Variants in ANO6 observed in about 807,000 individuals in gnomAD.
ANO6 encodes the protein anoctamin-6.
A neutral mutation model predicts 117.5 loss-of-function variants in ANO6; 106 were observed. That is an observed-to-expected ratio of 0.90 (90% CI 0.77 to 1.06). ANO6 has a LOEUF of 1.06. Ranked by LOEUF, ANO6 falls within the 50% of genes least tolerant of loss-of-function variation. The probability of loss-of-function intolerance (pLI) is 0.00; values close to 1 mark genes in which losing one functional copy is unlikely to be tolerated. For synonymous variants in ANO6, 367 were observed against 385.1 expected, an observed-to-expected ratio of 0.95 and a Z score of 0.55; for missense variants, 955 against 1,121.1, an observed-to-expected ratio of 0.85 and a Z score of 2.12.
chr12:45,429,356 A>AAAAT lies in ANO6; in HGVS notation c.*47_*50dup, dbSNP rs1190390307. 1 of 1,595,306 alleles carries AAAAT rather than the reference A, an allele frequency of 6.3e-7. No homozygotes were observed. Among genetic ancestry groups the AAAAT allele is most frequent in the East Asian group, 2.3e-5 (1 of 43,584 alleles). ...GCACTTTAAGGAATTTAGCTTTGTC[A>AAAAT]AAATATATTAGGAATCACTAATGAG... is the stretch of plus-strand genomic sequence containing the variant. On this transcript the variant is annotated 3_prime_UTR_variant, in exon 20 of 20. Coordinates refer to ENST00000320560, the MANE Select transcript of ANO6 (RefSeq NM_001025356.3).
downstream of ANO6, among the ~76,000 whole-genome samples, chr12:45,432,729 A>G (rs1027384998): frequency 4.6e-5 from 7 of 152,234 alleles, no homozygotes; most frequent in African/African-American, 1.7e-4. Context: ...TACTCGTTAT[A>G]TGACCAATAG....
intron 1 of ANO6, among the ~76,000 whole-genome samples, chr12:45,295,839 C>T (rs538295982): frequency 6.6e-6 from 1 of 151,662 alleles, no homozygotes; most frequent in Non-Finnish European, 1.5e-5. Context: ...TGATTACAGG[C>T]GCTTTTTAAA....
intron 1 of ANO6, among the ~76,000 whole-genome samples, chr12:45,286,577 A>G (rs978507584): frequency 6.0e-4 from 91 of 152,222 alleles, no homozygotes; most frequent in African/African-American, 2.0e-3. Flanking sequence ...CCTTATCTTC[A>G]GTGTGACCTA....
chr12:45,227,005 T>TTTTTG (rs59632840), intron 1 of ANO6, among the ~76,000 whole-genome samples: 1 of 142,956 alleles, frequency 7.0e-6, no homozygotes, highest in Non-Finnish European at 1.5e-5. Context: ...TTTTTTTTTT[T>TTTTTG]GAAGATGGAG....
At chr12:45,250,541 T>C (rs1338214173) in intron 1 of ANO6, among the ~76,000 whole-genome samples, 1 of 151,980 alleles carries the variant, frequency 6.6e-6, no homozygotes, top group African/African-American at 2.4e-5. Context: ...TATAGGTATA[T>C]GCCACCATGC....
Position 45,357,391 on chromosome 12 carries a change from AT to A in ANO6, c.966del (p.Tyr322Ter). On this transcript the variant is annotated frameshift_variant, in exon 8 of 20. Transcript: ENST00000320560. LOFTEE classifies it high-confidence loss of function. ...AAVVGVACFL[Y>X]GYLNQDNCTW... ...GTTGTAGGAGTGGCTTGCTTTCTCT[AT>A]GGATATCTTAATCAAGATAACTGTA... 6.2e-7 allele frequency: 1 copy of A among 1,613,854 alleles called. No homozygotes were observed. Among genetic ancestry groups the A allele is most frequent in the South Asian group, 1.1e-5 (1 of 91,058 alleles).
At chr12:45,371,801 C>T (rs1941846302) in intron 9 of ANO6, among the ~76,000 whole-genome samples, 2 of 152,338 alleles carry the variant, frequency 1.3e-5, no homozygotes, top group African/African-American at 2.4e-5. Flanking sequence ...AAAAGCAGAA[C>T]GCCTCTCCTC....
intron 1 of ANO6, among the ~76,000 whole-genome samples, chr12:45,216,836 C>T (rs754484064): frequency 6.6e-6 from 1 of 152,176 alleles, no homozygotes; most frequent in Non-Finnish European, 1.5e-5. Context: ...TCTGAATCCT[C>T]GTTAAAGTAA....
chr12:45,311,564 C>A (rs1231887536), intron 2 of ANO6, among the ~76,000 whole-genome samples: 1 of 151,924 alleles, frequency 6.6e-6, no homozygotes, highest in African/African-American at 2.4e-5. Flanking sequence ...AACATGACAG[C>A]AAGATTTAAA....
At chr12:45,249,789 C>T (rs546614740) in intron 1 of ANO6, among the ~76,000 whole-genome samples, 4 of 152,324 alleles carry the variant, frequency 2.6e-5, no homozygotes, top group East Asian at 1.9e-4. Context: ...ACTTACAGTG[C>T]GCTAGCCCTG....
chr12:45,407,150 A>G (rs1459894398), intron 15 of ANO6, among the ~76,000 whole-genome samples: 1 of 152,194 alleles, frequency 6.6e-6, no homozygotes, highest in African/African-American at 2.4e-5. Context: ...AACTCAGGAA[A>G]ACCAAACAAG....
intron 10 of ANO6, among the ~76,000 whole-genome samples, chr12:45,383,846 A>G (rs1367169870): frequency 6.6e-6 from 1 of 152,210 alleles, no homozygotes; most frequent in Non-Finnish European, 1.5e-5. Context: ...GGAATGATCT[A>G]AGAGCGTTGG....
intron 7 of ANO6, among the ~76,000 whole-genome samples, chr12:45,352,250 C>T (rs1216677400): frequency 6.6e-6 from 1 of 152,044 alleles, no homozygotes; most frequent in Non-Finnish European, 1.5e-5. Context: ...AGCAAGCCTG[C>T]ATTCATCTGT....
intron 1 of ANO6, among the ~76,000 whole-genome samples, chr12:45,251,146 C>T (rs1417712303): frequency 6.6e-6 from 1 of 152,114 alleles, no homozygotes; most frequent in Non-Finnish European, 1.5e-5. Context: ...AAGATGAGCT[C>T]TTTGAAAGAA....
At chr12:45,343,687 A>T (rs1941044682) in intron 3 of ANO6, among the ~76,000 whole-genome samples, 1 of 152,154 alleles carries the variant, frequency 6.6e-6, no homozygotes, top group Non-Finnish European at 1.5e-5. Context: ...AATTCTCCTG[A>T]TGGGTTAGAT....
intron 1 of ANO6, among the ~76,000 whole-genome samples, chr12:45,235,817 A>G (rs1399203485): frequency 6.6e-6 from 1 of 152,164 alleles, no homozygotes; most frequent in Non-Finnish European, 1.5e-5. Context: ...GGCATTCCTG[A>G]ACTAGCATGC....
At position 45,216,150 on chromosome 12, in the gene ANO6, C is replaced by A; in HGVS notation, c.-172C>A. The stretch of plus-strand genomic sequence containing the variant: ...GCGTCCTCCGGCTCTGGGCTCCGGT[C>A]GGTGGGTGCCTCGGCTCGGCTTTCC... On this transcript the variant is annotated 5_prime_UTR_variant, in exon 1 of 20. Transcript: ENST00000320560. 1.4e-6 allele frequency: 1 copy of A among 690,132 alleles called. No homozygotes were observed. Among genetic ancestry groups the A allele is most frequent in the Non-Finnish European group, 2.4e-6 (1 of 410,090 alleles). The allele number at this position is 690,132 out of a possible 1,614,324, so 42.8% of individuals were successfully genotyped here. A position where few individuals can be genotyped will look rare whatever the true frequency, so the allele number is the denominator to read the frequency against.
At position 45,380,441 on chromosome 12, in the gene ANO6, G is replaced by A. The variant is rs12319642; in HGVS notation, c.1165+2328G>A. Among the ~76,000 whole-genome samples, 1,474 of 152,310 alleles carry A rather than the reference G, an allele frequency of 9.7e-3. 26 individuals carry two copies. The highest frequency in any genetic ancestry group is 0.034 in the African/African-American group (1,414 of 41,550). ...GCTCACTAAGGATCTGGGGAACCAG[G>A]AAGCCTAACTAGCTGCACTTGGGGA... On this transcript the variant is annotated intron_variant, in intron 10 of 19. Transcript: ENST00000320560.
At chr12:45,316,983 T>A (rs1940052364) in intron 2 of ANO6, among the ~76,000 whole-genome samples, 1 of 149,268 alleles carries the variant, frequency 6.7e-6, no homozygotes, top group African/African-American at 2.4e-5. Context: ...AAATATGTAT[T>A]AATTCATGTA....
Sources: gnomAD v4.1 joint callset for allele counts (sites outside exome capture counted in the v4.1 genomes callset) on GRCh38, gnomAD v4.1.1 for gene constraint, MANE v1.5 for transcripts, NCBI Gene and HGNC (gene_info 2026-07-23, HGNC 2026-07-21) for gene names.